GRID2: variants seen among roughly 807,000 people sequenced by gnomAD.
GRID2 encodes glutamate ionotropic receptor delta type subunit 2.
GRID2 carries 33 observed loss-of-function variants against 114.8 expected under a neutral mutation model. The ratio of observed to expected loss-of-function variants is 0.29; its 90% CI spans 0.22 to 0.38. The LOEUF is 0.38. Ranked by LOEUF, GRID2 falls within the 10% of genes least tolerant of loss-of-function variation. GRID2 has a pLI of 1.00. For synonymous variants in GRID2, 505 were observed against 449.9 expected, an observed-to-expected ratio of 1.12 and a Z score of -1.55; for missense variants, 1,184 against 1,257.7, an observed-to-expected ratio of 0.94 and a Z score of 0.89.
chr4:93,391,300 T>A (rs747857815), intron 8 of GRID2, among the ~76,000 whole-genome samples: 9 of 152,182 alleles, frequency 5.9e-5, no homozygotes, highest in Non-Finnish European at 1.0e-4. Context: ...CCATATGTAT[T>A]TTTTACACTT....
chr4:93,172,088 G>C (rs1738881113), intron 4 of GRID2, among the ~76,000 whole-genome samples: 1 of 152,070 alleles, frequency 6.6e-6, no homozygotes, highest in South Asian at 2.1e-4. Context: ...CCTGACCTCA[G>C]GTCAATATAT....
chr4:93,250,936 A>T (rs1419536074), intron 8 of GRID2, among the ~76,000 whole-genome samples: 1 of 151,684 alleles, frequency 6.6e-6, no homozygotes, highest in Non-Finnish European at 1.5e-5. Context: ...CTGGTTTTTG[A>T]GGGGAGGTTA....
At chr4:93,152,772 G>C (rs1164702030) in intron 4 of GRID2, among the ~76,000 whole-genome samples, 4 of 152,054 alleles carry the variant, frequency 2.6e-5, no homozygotes, top group Non-Finnish European at 1.5e-5. Flanking sequence ...AAATGTTTTA[G>C]ATATTTCAGA....
At chr4:93,379,147 A>C (rs1763632024) in intron 8 of GRID2, among the ~76,000 whole-genome samples, 1 of 152,064 alleles carries the variant, frequency 6.6e-6, no homozygotes, top group Admixed American at 6.6e-5. Flanking sequence ...TTTTCATAGT[A>C]AGGCTTTATT....
intron 2 of GRID2, among the ~76,000 whole-genome samples, chr4:92,700,960 C>G (rs1280676321): frequency 6.7e-6 from 1 of 149,846 alleles, no homozygotes; most frequent in African/African-American, 2.5e-5. Context: ...TGCCACTGCA[C>G]TCCAGCCTGG....
rs115503059 is a variant in GRID2 at position 93,334,392 on chromosome 4, G to A, written c.1246-61215G>A. ...GGAGACTTACTGTGAAAAAAAAACC[G>A]TCGCACTTTTTGTGCAGCATCTGCT... On this transcript the variant is annotated intron_variant, in intron 8 of 15. Coordinates refer to ENST00000282020, the MANE Select transcript of GRID2 (RefSeq NM_001510.4). Among the ~76,000 whole-genome samples, 753 of 149,618 alleles carry A rather than the reference G, an allele frequency of 5.0e-3. 10 individuals are homozygous for A. The highest frequency in any genetic ancestry group is 0.018 in the African/African-American group (731 of 39,744).
chr4:93,007,613 A>G (rs934292720), intron 2 of GRID2, among the ~76,000 whole-genome samples: 1 of 152,162 alleles, frequency 6.6e-6, no homozygotes, highest in Non-Finnish European at 1.5e-5. Flanking sequence ...TATTAAATAA[A>G]CTTGACAAAG....
chr4:92,397,882 A>G (rs113982641), intron 1 of GRID2, among the ~76,000 whole-genome samples: 5 of 152,196 alleles, frequency 3.3e-5, no homozygotes, highest in African/African-American at 9.6e-5. Context: ...AAAGAATGGT[A>G]TTGATTACCA....
intron 2 of GRID2, among the ~76,000 whole-genome samples, chr4:92,853,478 AT>A (rs1230059280): frequency 4.6e-5 from 7 of 151,960 alleles, no homozygotes; most frequent in African/African-American, 1.7e-4. Flanking sequence ...AATAGTATTC[AT>A]ATTTTTATTT....
At chr4:93,704,909 T>C (rs182572307) in intron 14 of GRID2, among the ~76,000 whole-genome samples, 25 of 152,320 alleles carry the variant, frequency 1.6e-4, no homozygotes, top group African/African-American at 6.0e-4. Context: ...TGCTGCAATA[T>C]ACATAGGAGT....
chr4:92,868,016 T>TTTTCTTTC (rs57222462), intron 2 of GRID2, among the ~76,000 whole-genome samples: 1,491 of 132,816 alleles, frequency 0.011, 13 homozygotes, highest in African/African-American at 0.02. Flanking sequence ...TACTGAAAGG[T>TTTTCTTTC]TTTCTTTCTT....
intron 8 of GRID2, among the ~76,000 whole-genome samples, chr4:93,296,622 A>G (rs1038757766): frequency 3.9e-5 from 6 of 152,184 alleles, no homozygotes; most frequent in African/African-American, 1.4e-4. Context: ...ATATGATTAC[A>G]GTTTCATATA....
At chr4:92,667,961 A>C (rs1732871812) in intron 2 of GRID2, among the ~76,000 whole-genome samples, 1 of 151,950 alleles carries the variant, frequency 6.6e-6, no homozygotes, top group South Asian at 2.1e-4. Context: ...TCCTTGTATC[A>C]CCAGAAATTG....
At chr4:92,914,665 G>T (rs957881976) in intron 2 of GRID2, among the ~76,000 whole-genome samples, 2 of 152,094 alleles carry the variant, frequency 1.3e-5, no homozygotes, top group African/African-American at 2.4e-5. Context: ...GTGTGAACAT[G>T]CAGTATTTGA....
At chr4:93,446,343 G>A (rs138765852) in intron 10 of GRID2, among the ~76,000 whole-genome samples, 1 of 151,954 alleles carries the variant, frequency 6.6e-6, no homozygotes, top group South Asian at 2.1e-4. Context: ...CAAAGTTAAA[G>A]GATAGGGAAA....
chr4:93,266,393 G>A (rs1285471868), intron 8 of GRID2, among the ~76,000 whole-genome samples: 1 of 152,050 alleles, frequency 6.6e-6, no homozygotes, highest in Non-Finnish European at 1.5e-5. Flanking sequence ...TAAGCCACCT[G>A]TGTTGTTTTA....
chr4:93,238,039 T>C (rs1240583577), intron 7 of GRID2, among the ~76,000 whole-genome samples: 1 of 151,798 alleles, frequency 6.6e-6, no homozygotes, highest in East Asian at 1.9e-4. Flanking sequence ...GATGGATCCA[T>C]TCAAGTCACA....
intron 8 of GRID2, among the ~76,000 whole-genome samples, chr4:93,346,992 C>T (rs1229490123): frequency 3.9e-5 from 6 of 152,128 alleles, no homozygotes; most frequent in African/African-American, 1.2e-4. Context: ...CTATCAGAGA[C>T]CATCTTCAGG....
chr4:92,791,438 CAG>C (rs911818778), intron 2 of GRID2, among the ~76,000 whole-genome samples: 1 of 151,732 alleles, frequency 6.6e-6, no homozygotes, highest in African/African-American at 2.4e-5. Flanking sequence ...AAATAAATGT[CAG>C]ATATAATTTT....
Sources: allele counts gnomAD v4.1 joint callset (sites outside exome capture counted in the v4.1 genomes callset), GRCh38; gene constraint gnomAD v4.1.1; transcripts MANE v1.5; gene names NCBI Gene and HGNC (gene_info 2026-07-23, HGNC 2026-07-21).